GRM8: variants seen among roughly 807,000 people sequenced by gnomAD.
GRM8 encodes the protein metabotropic glutamate receptor 8.
GRM8 carries 47 observed loss-of-function variants against 87.2 expected under a neutral mutation model. The ratio of observed to expected loss-of-function variants is 0.54; its 90% CI spans 0.43 to 0.69. The LOEUF is 0.69. Ranked by LOEUF, GRM8 falls within the 30% of genes least tolerant of loss-of-function variation. GRM8 has a pLI of 0.00. For synonymous variants in GRM8, 396 were observed against 404.5 expected, an observed-to-expected ratio of 0.98 and a Z score of 0.25; for missense variants, 1,019 against 1,139.2, an observed-to-expected ratio of 0.89 and a Z score of 1.52.
At chr7:127,151,574 A>T (rs1285652442) in intron 2 of GRM8, among the ~76,000 whole-genome samples, 1 of 152,126 alleles carries the variant, frequency 6.6e-6, no homozygotes, top group Non-Finnish European at 1.5e-5. Flanking sequence ...GATGCTGTTC[A>T]GTCACGCTGC....
chr7:127,037,005 G>T (rs557590180), intron 3 of GRM8, among the ~76,000 whole-genome samples: 21 of 152,046 alleles, frequency 1.4e-4, no homozygotes, highest in Non-Finnish European at 2.4e-4. Context: ...TAGACAAACA[G>T]AAGGATAAGA....
chr7:127,112,924 T>G (rs1826465773), intron 2 of GRM8, among the ~76,000 whole-genome samples: 1 of 152,200 alleles, frequency 6.6e-6, no homozygotes, highest in Non-Finnish European at 1.5e-5. Context: ...CATAGATTAT[T>G]TAATCATTTA....
intron 3 of GRM8, among the ~76,000 whole-genome samples, chr7:127,024,666 G>T (rs932429324): frequency 6.6e-6 from 1 of 152,010 alleles, no homozygotes; most frequent in East Asian, 1.9e-4. Context: ...CCCAGAAATT[G>T]ATCCCTGACC....
intron 7 of GRM8, among the ~76,000 whole-genome samples, chr7:126,624,020 C>G (rs187733344): frequency 3.9e-4 from 60 of 152,262 alleles, no homozygotes; most frequent in Non-Finnish European, 6.8e-4. Flanking sequence ...TTTGCCCATT[C>G]TTTTTACCCC....
intron 6 of GRM8, among the ~76,000 whole-genome samples, chr7:126,881,538 G>C (rs1049117385): frequency 1.3e-5 from 2 of 152,194 alleles, no homozygotes; most frequent in African/African-American, 4.8e-5. Context: ...ACAAGGGTCA[G>C]CTTCGCAGAG....
At chr7:127,033,028 C>T (rs1299778245) in intron 3 of GRM8, among the ~76,000 whole-genome samples, 2 of 122,500 alleles carry the variant, frequency 1.6e-5, no homozygotes, top group Non-Finnish European at 3.4e-5. Flanking sequence ...TTTTTTCTAA[C>T]ATGGTATCTT....
At chr7:127,072,107 A>G (rs1563477136) in intron 3 of GRM8, among the ~76,000 whole-genome samples, 1 of 151,416 alleles carries the variant, frequency 6.6e-6, no homozygotes, top group Non-Finnish European at 1.5e-5. Context: ...ATAGACAACT[A>G]GCTTCCACCA....
intron 9 of GRM8, among the ~76,000 whole-genome samples, chr7:126,446,608 C>T (rs1327050135): frequency 2.0e-5 from 3 of 151,880 alleles, no homozygotes; most frequent in Non-Finnish European, 4.4e-5. Context: ...ATACAAACAA[C>T]CAAGCTGGTG....
chr7:126,461,981 T>C (rs1803940587), intron 9 of GRM8, among the ~76,000 whole-genome samples: 1 of 151,624 alleles, frequency 6.6e-6, no homozygotes, highest in South Asian at 2.1e-4. Flanking sequence ...TAACTAAAAA[T>C]ATGTAGAAGG....
At chr7:126,522,615 A>G (rs1356461114) in intron 9 of GRM8, among the ~76,000 whole-genome samples, 2 of 152,198 alleles carry the variant, frequency 1.3e-5, no homozygotes, top group African/African-American at 4.8e-5. Context: ...CCTTGTGGCT[A>G]TCTTAAACTT....
intron 7 of GRM8, among the ~76,000 whole-genome samples, chr7:126,745,392 A>ATATAT (rs71312851): frequency 0.028 from 4,148 of 146,230 alleles, 217 homozygotes; most frequent in African/African-American, 0.097. Flanking sequence ...AGACATAGTC[A>ATATAT]TATATTATAT....
At chr7:126,534,463 T>C (rs1584975698) in intron 8 of GRM8, among the ~76,000 whole-genome samples, 3 of 152,222 alleles carry the variant, frequency 2.0e-5, no homozygotes, top group African/African-American at 7.2e-5. Context: ...AAATATCCTT[T>C]TTTTCTTCAG....
intron 1 of GRM8, among the ~76,000 whole-genome samples, chr7:127,243,912 A>T (rs1258034282): frequency 6.6e-6 from 1 of 151,494 alleles, no homozygotes; most frequent in African/African-American, 2.4e-5. Context: ...CATAATAAAT[A>T]TTATTTTCTG....
intron 6 of GRM8, among the ~76,000 whole-genome samples, chr7:126,884,664 G>A (rs754424527): frequency 2.6e-5 from 4 of 152,104 alleles, no homozygotes; most frequent in Non-Finnish European, 5.9e-5. Context: ...CACCTACCTT[G>A]AAGTATTTTT....
chr7:126,772,240 G>GGA (rs1341257793), intron 6 of GRM8, among the ~76,000 whole-genome samples: 3 of 152,104 alleles, frequency 2.0e-5, no homozygotes, highest in Non-Finnish European at 4.4e-5. Context: ...CGGAAAACCA[G>GGA]GATGGTTGCT....
chr7:126,616,274 T>C (rs1799480794), intron 7 of GRM8, among the ~76,000 whole-genome samples: 1 of 152,226 alleles, frequency 6.6e-6, no homozygotes, highest in African/African-American at 2.4e-5. Context: ...CCTGAATGAC[T>C]ACTGGGTACA....
intron 7 of GRM8, among the ~76,000 whole-genome samples, chr7:126,720,380 G>A (rs892879616): frequency 1.3e-5 from 2 of 151,988 alleles, no homozygotes; most frequent in Admixed American, 6.6e-5. Flanking sequence ...AGGCTCAAGC[G>A]ATCCTCCTGC....
At chr7:126,487,463 ATAGATT>A (rs1244668588) in intron 9 of GRM8, among the ~76,000 whole-genome samples, 2 of 151,904 alleles carry the variant, frequency 1.3e-5, no homozygotes, top group African/African-American at 4.8e-5. Context: ...TCTGATAATT[ATAGATT>A]TATTTATTTT....
intron 8 of GRM8, among the ~76,000 whole-genome samples, chr7:126,563,334 T>G (rs1381963340): frequency 2.0e-5 from 3 of 152,174 alleles, no homozygotes; most frequent in Non-Finnish European, 4.4e-5. Flanking sequence ...TATTCATTAT[T>G]TCTCATGTCA....
Sources: allele counts gnomAD v4.1 joint callset (sites outside exome capture counted in the v4.1 genomes callset), GRCh38; gene constraint gnomAD v4.1.1; transcripts MANE v1.5; gene names NCBI Gene and HGNC (gene_info 2026-07-23, HGNC 2026-07-21).